FAM222B: variants seen among roughly 807,000 people sequenced by gnomAD.
FAM222B encodes the protein protein FAM222B.
Under a neutral mutation model 38.0 loss-of-function variants are expected in FAM222B, and 12 were observed. The ratio of observed to expected loss-of-function variants is 0.32; its 90% CI spans 0.20 to 0.51. FAM222B has a LOEUF of 0.51. FAM222B is among the 20% of genes least tolerant of loss of function. The probability of loss-of-function intolerance (pLI) is 0.97; values close to 1 mark genes in which losing one functional copy is unlikely to be tolerated. For missense variants in FAM222B, 716 were observed against 754.2 expected (o/e 0.95, Z 0.59); for synonymous variants, 329 against 317.2 (o/e 1.04, Z -0.40).
upstream of FAM222B, among the ~76,000 whole-genome samples, chr17:28,845,274 C>A (rs1456728703): frequency 6.7e-6 from 1 of 149,930 alleles, no homozygotes; most frequent in African/African-American, 2.5e-5. Flanking sequence ...GGTGGCGGGC[C>A]CCTGCAGTCC....
At chr17:28,822,678 G>GT (rs2038270068) in intron 1 of FAM222B, among the ~76,000 whole-genome samples, 1 of 148,656 alleles carries the variant, frequency 6.7e-6, no homozygotes, top group Non-Finnish European at 1.5e-5. Flanking sequence ...GCAGGCGCCT[G>GT]TAATCCCAGC....
At chr17:28,779,664 T>C (rs1014314632) in intron 1 of FAM222B, among the ~76,000 whole-genome samples, 2 of 151,856 alleles carry the variant, frequency 1.3e-5, no homozygotes, top group Admixed American at 6.6e-5. Flanking sequence ...GGCAGGAGAA[T>C]GGCGTGAACC....
intron 1 of FAM222B, among the ~76,000 whole-genome samples, chr17:28,828,567 C>T (rs1598033090): frequency 1.6e-5 from 2 of 122,694 alleles, no homozygotes; most frequent in African/African-American, 6.0e-5. Context: ...GACTCTGTCA[C>T]GAAAAAAAAA....
At chr17:28,778,339 A>G (rs2035990727) in intron 1 of FAM222B, among the ~76,000 whole-genome samples, 2 of 152,034 alleles carry the variant, frequency 1.3e-5, no homozygotes, top group South Asian at 4.2e-4. Flanking sequence ...GAGTGAGAAC[A>G]TGCGGTGTTT....
intron 1 of FAM222B, among the ~76,000 whole-genome samples, chr17:28,785,074 C>T (rs2151852728): frequency 6.6e-6 from 1 of 152,250 alleles, no homozygotes; most frequent in East Asian, 1.9e-4. Flanking sequence ...AAATTTAAAA[C>T]AATCCTAATC....
chr17:28,838,681 C>T (rs1017153686), intron 1 of FAM222B, among the ~76,000 whole-genome samples: 10 of 152,064 alleles, frequency 6.6e-5, no homozygotes, highest in African/African-American at 1.9e-4. Flanking sequence ...CCGAGGCAGG[C>T]GGATCACCTG....
intron 1 of FAM222B, among the ~76,000 whole-genome samples, chr17:28,770,936 G>A (rs1296837701): frequency 6.6e-6 from 1 of 151,042 alleles, no homozygotes; most frequent in African/African-American, 2.4e-5. Context: ...TGATTAAGAG[G>A]CAATTATATA....
intron 1 of FAM222B, among the ~76,000 whole-genome samples, chr17:28,852,356 CA>C (rs528264888): frequency 1.3e-5 from 2 of 148,350 alleles, no homozygotes; most frequent in Non-Finnish European, 3.0e-5. Context: ...ACTCTGTCTC[CA>C]AAAAAAAATG....
At chr17:28,845,224 A>G (rs1228242716), upstream of FAM222B, among the ~76,000 whole-genome samples, 1 of 150,124 alleles carries the variant, frequency 6.7e-6, no homozygotes, top group African/African-American at 2.5e-5. Flanking sequence ...ACACGGTGAA[A>G]CCTCATCTCT....
At chr17:28,822,862 T>TAC (rs1555585771) in intron 1 of FAM222B, among the ~76,000 whole-genome samples, 41 of 93,214 alleles carry the variant, frequency 4.4e-4, no homozygotes, top group South Asian at 3.9e-3. Flanking sequence ...TATATATATA[T>TAC]ATACACACAT....
At chr17:28,813,613 G>A (rs1177379890) in intron 1 of FAM222B, among the ~76,000 whole-genome samples, 1 of 151,372 alleles carries the variant, frequency 6.6e-6, no homozygotes, top group African/African-American at 2.4e-5. Flanking sequence ...TGCAAGCTCC[G>A]CCTCCCAGGT....
intron 1 of FAM222B, among the ~76,000 whole-genome samples, chr17:28,831,504 C>CTTTT (rs35692613): frequency 1.5e-4 from 17 of 110,866 alleles, no homozygotes; most frequent in South Asian, 3.1e-4. Context: ...TTGTCAAAGG[C>CTTTT]TTTTTTTTTT....
chr17:28,847,321 G>A (rs1198272003), upstream of FAM222B, among the ~76,000 whole-genome samples: 2 of 152,032 alleles, frequency 1.3e-5, no homozygotes, highest in Non-Finnish European at 2.9e-5. Context: ...TGGGCCGTGC[G>A]TGGTGGTTCA....
At chr17:28,801,848 T>C (rs555303884) in intron 1 of FAM222B, among the ~76,000 whole-genome samples, 2 of 152,184 alleles carry the variant, frequency 1.3e-5, no homozygotes, top group East Asian at 3.9e-4. Context: ...AGTGCTTAGC[T>C]TTTGGAAGGA....
intron 1 of FAM222B, chr17:28,834,446 T>C (rs2038770829): frequency 6.6e-6 from 1 of 152,044 alleles, no homozygotes; most frequent in South Asian, 2.1e-4. Context: ...ATTAAACTAG[T>C]CCACATGTCC....
At chr17:28,798,998 T>C (rs1384747222) in intron 1 of FAM222B, among the ~76,000 whole-genome samples, 1 of 145,330 alleles carries the variant, frequency 6.9e-6, no homozygotes, top group Non-Finnish European at 1.5e-5. Context: ...TTTTTTGGGA[T>C]GGAGTCTCAC....
chr17:28,763,065 G>A (rs2035161976), intron 2 of FAM222B, among the ~76,000 whole-genome samples: 1 of 152,092 alleles, frequency 6.6e-6, no homozygotes, highest in African/African-American at 2.4e-5. Flanking sequence ...CTTTGTAAGC[G>A]ACTTACTTAA....
chr17:28,848,100 T>C (rs1280981514), intron 1 of FAM222B, among the ~76,000 whole-genome samples: 1 of 152,008 alleles, frequency 6.6e-6, no homozygotes, highest in Non-Finnish European at 1.5e-5. Flanking sequence ...TCAATAGATT[T>C]TTGTTCAGGA....
chr17:28,836,950 T>C (rs1425817578), intron 1 of FAM222B, among the ~76,000 whole-genome samples: 1 of 152,016 alleles, frequency 6.6e-6, no homozygotes, highest in Non-Finnish European at 1.5e-5. Context: ...AAACTCCATC[T>C]CTACTAAAAG....
Sources: allele counts gnomAD v4.1 joint callset (sites outside exome capture counted in the v4.1 genomes callset), GRCh38; gene constraint gnomAD v4.1.1; transcripts MANE v1.5; gene names NCBI Gene and HGNC (gene_info 2026-07-23, HGNC 2026-07-21).